The following KTN1 variants were observed in gnomAD, a reference collection of about 807,000 sequenced individuals.
KTN1 encodes kinectin 1.
KTN1 carries 130 observed loss-of-function variants against 222.5 expected under a neutral mutation model. The observed-to-expected ratio is 0.58, with a 90% confidence interval of 0.51 to 0.68. The LOEUF is 0.68. KTN1 is among the 30% of genes least tolerant of loss of function. KTN1 has a pLI of 0.00. For synonymous variants in KTN1, 512 were observed against 496.3 expected (o/e 1.03, Z -0.42); for missense variants, 1,508 against 1,500.4 (o/e 1.01, Z -0.08).
intron 1 of KTN1, among the ~76,000 whole-genome samples, chr14:55,584,632 T>A (rs78472121): frequency 3.1e-3 from 466 of 152,320 alleles, no homozygotes; most frequent in Non-Finnish European, 3.9e-3. Flanking sequence ...TGTACCTTGC[T>A]CCGTTTTCTT....
chr14:55,658,434 A>G (rs932339655), intron 29 of KTN1, 112 bp from the exon 30 acceptor site: 2 of 686,878 alleles, frequency 2.9e-6, no homozygotes, highest in African/African-American at 3.7e-5. Flanking sequence ...CTTTAAAATT[A>G]TTGCTATTTT....
Position 55,673,159 on chromosome 14 carries a change from A to C in KTN1, c.3688-13A>C. 1 of 1,608,240 alleles carries C rather than the reference A, an allele frequency of 6.2e-7. No homozygotes were observed. Among genetic ancestry groups the C allele is most frequent in the Admixed American group, 1.7e-5 (1 of 59,914 alleles). Reference sequence around the variant, plus strand: ...ATAAGGAGATCAATCTTAAACTCTAAACTTCATTGCAGCTGAAAGATCTGT... The same window carrying C: ...ATAAGGAGATCAATCTTAAACTCTACACTTCATTGCAGCTGAAAGATCTGT... On this transcript the variant is annotated splice_polypyrimidine_tract_variant and intron_variant, in intron 39 of 43. Coordinates refer to ENST00000395314, the MANE Select transcript of KTN1 (RefSeq NM_001079521.2).
At chr14:55,621,662 C>T (rs553884396) in intron 5 of KTN1, among the ~76,000 whole-genome samples, 3 of 151,880 alleles carry the variant, frequency 2.0e-5, no homozygotes, top group Non-Finnish European at 2.9e-5. Context: ...TATCTCCCAC[C>T]GAGCCTCTCC....
Position 55,617,961 on chromosome 14 carries a change from C to T in KTN1, c.662-3C>T, listed in dbSNP as rs751115046. 2 of 1,552,484 alleles carry T rather than the reference C, an allele frequency of 1.3e-6. No individual in the cohort carries two copies. Among genetic ancestry groups the T allele is most frequent in the Non-Finnish European group, 1.7e-6 (2 of 1,151,172 alleles). ...TTATGATTTTGTTGAACTTAAATTG[C>T]AGTCTTCGTAGATGAACCCCTTATT... On this transcript the variant is annotated splice_region_variant and splice_polypyrimidine_tract_variant and intron_variant, in intron 3 of 43. Coordinates refer to ENST00000395314, the MANE Select transcript of KTN1 (RefSeq NM_001079521.2).
intron 1 of KTN1, among the ~76,000 whole-genome samples, chr14:55,608,314 C>T (rs932117328): frequency 1.3e-5 from 2 of 152,108 alleles, no homozygotes; most frequent in African/African-American, 4.8e-5. Flanking sequence ...TCAATAAACA[C>T]TCATGTTTTG....
intron 6 of KTN1, among the ~76,000 whole-genome samples, chr14:55,628,942 G>A (rs1266618867): frequency 6.6e-6 from 1 of 152,180 alleles, no homozygotes; most frequent in Non-Finnish European, 1.5e-5. Context: ...AACTCAGGCA[G>A]CCATAAATTA....
intron 5 of KTN1, among the ~76,000 whole-genome samples, chr14:55,624,281 G>A (rs771032338): frequency 6.6e-6 from 1 of 152,210 alleles, no homozygotes; most frequent in African/African-American, 2.4e-5. Flanking sequence ...GAATCCTTGT[G>A]CTGAATAAAG....
chr14:55,670,756 G>A lies in KTN1; in HGVS notation c.3295G>A (p.Glu1099Lys), dbSNP rs1284596609. 2 of 1,607,860 alleles carry A rather than the reference G, an allele frequency of 1.2e-6. No homozygotes were observed. Among genetic ancestry groups the A allele is most frequent in the African/African-American group, 2.7e-5 (2 of 74,528 alleles). ...TTATGGTGAATGGTTGCATGGATTT[G>A]AAAAAAAGGCAAAAGAATGTATGGC... ...LSYGEWLHGF[E>K]KKAKECMAGT... The change falls in exon 35 of 44, where the codon GAA (glutamate) becomes AAA (lysine). Residue 1099 changes from glutamate (E) to lysine (K), a missense_variant. Transcript: ENST00000395314.
At chr14:55,586,667 A>G (rs2033066964) in intron 1 of KTN1, among the ~76,000 whole-genome samples, 1 of 152,124 alleles carries the variant, frequency 6.6e-6, no homozygotes, top group South Asian at 2.1e-4. Context: ...AAGCTAAATT[A>G]AGGTTATAAG....
In KTN1 at chr14:55,634,664, A is replaced by G. The variant is rs756004274; in HGVS notation, c.1461+6A>G. The G allele has an allele frequency of 1.2e-6, 2 of 1,607,596 alleles. No individual in the cohort carries two copies. The highest frequency in any genetic ancestry group is 1.7e-6 in the Non-Finnish European group (2 of 1,177,500). On this transcript the variant is annotated splice_donor_region_variant and intron_variant, in intron 9 of 43. Transcript: ENST00000395314. Reference sequence around the variant, plus strand: ...AAGCAGCTACTCAGTTGAAGGTGATATATTCTCACCTTTATTTGTCATTTC... The same window carrying G: ...AAGCAGCTACTCAGTTGAAGGTGATGTATTCTCACCTTTATTTGTCATTTC...
intron 5 of KTN1, 29 bp from the exon 6 acceptor site, chr14:55,627,883 C>A (rs2040043673): frequency 1.6e-6 from 2 of 1,282,928 alleles, no homozygotes; most frequent in Non-Finnish European, 2.3e-6. Context: ...GTAACTATTA[C>A]TAATTCTGCA....
At chr14:55,657,337 C>G in intron 29 of KTN1, among the ~76,000 whole-genome samples, 1 of 149,168 alleles carries the variant, frequency 6.7e-6, no homozygotes, top group East Asian at 1.9e-4. Flanking sequence ...TTCGTATGTT[C>G]AAGCCATTTT....
chr14:55,582,523 T>C (rs2031926925), intron 1 of KTN1, among the ~76,000 whole-genome samples: 1 of 152,194 alleles, frequency 6.6e-6, no homozygotes, highest in South Asian at 2.1e-4. Context: ...CAGCCTGTCA[T>C]GGTTAAGATG....
chr14:55,648,862 A>T lies in KTN1; in HGVS notation c.2359A>T (p.Asn787Tyr), dbSNP rs2042654277. 4 of 1,582,098 alleles carry T rather than the reference A, an allele frequency of 2.5e-6. No homozygotes were observed. Among genetic ancestry groups the T allele is most frequent in the Non-Finnish European group, 3.5e-6 (4 of 1,152,940 alleles). ...KEVQDLKAKQNDQVSFASLVE... is the reference protein window; with the variant it reads ...KEVQDLKAKQYDQVSFASLVE... ...AGTTCAAGACTTAAAAGCTAAGCAA[A>T]ATGATCAGGTAATGTAAATTTTTAC... The change falls in exon 21 of 44, where the codon AAT becomes TAT. Residue 787 changes from asparagine to tyrosine, a missense_variant. By Grantham distance (143) the Asn-to-Tyr change is moderately radical. Coordinates refer to ENST00000395314, the MANE Select transcript of KTN1 (RefSeq NM_001079521.2).
At position 55,641,760 on chromosome 14, in the gene KTN1, G is replaced by A. The variant is rs2041826738; in HGVS notation, c.2172G>A (p.Gln724=). ...AGCTACAGACTCTTGTTTCTGAACA[G>A]GTAAGGCTTTTCCTAAATTACAAAG... is the stretch of plus-strand genomic sequence containing the variant. ...VQKLQTLVSE[Q]PNKDVVEQME... is the part of the protein sequence containing the mutation. Residue 724 remains glutamine (Q), a splice_region_variant and synonymous_variant, in exon 18 of 44, where the codon CAG becomes CAA. Transcript: ENST00000395314. 2 of 1,558,148 alleles carry A rather than the reference G, an allele frequency of 1.3e-6. No individual in the cohort carries two copies. Among genetic ancestry groups the A allele is most frequent in the South Asian group, 1.1e-5 (1 of 89,592 alleles).
chr14:55,652,732 A>C, intron 25 of KTN1, 118 bp from the exon 26 acceptor site: 1 of 651,128 alleles, frequency 1.5e-6, no homozygotes, highest in Non-Finnish European at 2.7e-6. Flanking sequence ...GTTTTAGTTT[A>C]GTTCAATCAG....
intron 35 of KTN1, 107 bp downstream of exon 35, chr14:55,670,916 C>G (rs2045386630): frequency 3.0e-6 from 2 of 669,910 alleles, no homozygotes; most frequent in East Asian, 5.9e-5. Flanking sequence ...GAATAAGGCT[C>G]TTTTGAGAAA....
intron 21 of KTN1, among the ~76,000 whole-genome samples, chr14:55,649,363 T>TTGTA (rs71448462): frequency 0.35 from 53,729 of 151,902 alleles, 9,516 homozygotes; most frequent in South Asian, 0.41. Context: ...TTAATACTGA[T>TTGTA]TGCCAGGTAC....
chr14:55,624,840 T>C (rs1170461702), intron 5 of KTN1, among the ~76,000 whole-genome samples: 2 of 152,104 alleles, frequency 1.3e-5, no homozygotes, highest in Non-Finnish European at 2.9e-5. Context: ...GCTTTAGAGA[T>C]GTCAAGGAGG....
Sources: gnomAD v4.1 joint callset for allele counts (sites outside exome capture counted in the v4.1 genomes callset) on GRCh38, gnomAD v4.1.1 for gene constraint, MANE v1.5 for transcripts, NCBI Gene and HGNC (gene_info 2026-07-23, HGNC 2026-07-21) for gene names.